The following PARD3 variants were observed in gnomAD, a reference collection of about 807,000 sequenced individuals.
The protein encoded by PARD3 is par-3 family cell polarity regulator.
PARD3 carries 75 observed loss-of-function variants against 155.4 expected under a neutral mutation model. That is an observed-to-expected ratio of 0.48 (90% CI 0.40 to 0.58). PARD3 has a LOEUF of 0.58. Ranked by LOEUF, PARD3 falls within the 20% of genes least tolerant of loss-of-function variation. PARD3 has a pLI of 0.00. For missense variants in PARD3, 1,642 were observed against 1,721.7 expected, an observed-to-expected ratio of 0.95 and a Z score of 0.82; for synonymous variants, 576 against 610.5, an observed-to-expected ratio of 0.94 and a Z score of 0.83.
intron 1 of PARD3, among the ~76,000 whole-genome samples, chr10:34,790,046 G>T (rs1841454169): frequency 6.6e-6 from 1 of 152,190 alleles, no homozygotes; most frequent in Non-Finnish European, 1.5e-5. Flanking sequence ...TCATGGGAAA[G>T]CTTTGAGTTG....
chr10:34,330,441 C>T (rs1835490701), intron 19 of PARD3, among the ~76,000 whole-genome samples: 1 of 151,704 alleles, frequency 6.6e-6, no homozygotes, highest in African/African-American at 2.4e-5. Context: ...AATAAACACA[C>T]ATAAATATAG....
chr10:34,213,924 C>G (rs1242269035), intron 22 of PARD3, among the ~76,000 whole-genome samples: 3 of 152,020 alleles, frequency 2.0e-5, no homozygotes, highest in Admixed American at 1.3e-4. Context: ...GGGTCTTGCT[C>G]TGTTGCCCAG....
chr10:34,245,785 G>A (rs1301199241), intron 22 of PARD3, among the ~76,000 whole-genome samples: 1 of 152,186 alleles, frequency 6.6e-6, no homozygotes, highest in East Asian at 1.9e-4. Context: ...GCCACGGTCT[G>A]GATAATAAAG....
chr10:34,813,686 T>C (rs939930357), intron 1 of PARD3, among the ~76,000 whole-genome samples: 3 of 152,242 alleles, frequency 2.0e-5, no homozygotes, highest in Non-Finnish European at 4.4e-5. Context: ...TACTTCTTAA[T>C]TTCTGAGAGA....
intron 2 of PARD3, among the ~76,000 whole-genome samples, chr10:34,652,265 C>G (rs1311272939): frequency 1.3e-5 from 2 of 152,192 alleles, no homozygotes; most frequent in Non-Finnish European, 2.9e-5. Context: ...GACAGGTTAA[C>G]TACTTTGCTG....
chr10:34,736,651 TTA>T (rs1277233565), intron 1 of PARD3, among the ~76,000 whole-genome samples: 18 of 136,450 alleles, frequency 1.3e-4, no homozygotes, highest in Admixed American at 4.4e-4. Context: ...TATTAATTAA[TTA>T]ATTTATTTAT....
In PARD3 at chr10:34,110,591, T is replaced by A. The variant is rs1472071502; in HGVS notation, c.*578A>T. The A allele has an allele frequency of 6.6e-6, 1 of 152,284 alleles. No individual in the cohort carries two copies. Among genetic ancestry groups the A allele is most frequent in the Non-Finnish European group, 1.5e-5 (1 of 68,118 alleles). The allele number at this position is 152,284 out of a possible 1,614,324, so 9.4% of individuals were successfully genotyped here. On this transcript the variant is annotated 3_prime_UTR_variant, in exon 25 of 25. Transcript: ENST00000374788. ...ATGGTGACCAAACAATGTTGGACTA[T>A]GGCTTAGCTTCTGTAATAGGATGAC...
At chr10:34,145,540 C>T (rs902920572) in intron 22 of PARD3, among the ~76,000 whole-genome samples, 2 of 151,872 alleles carry the variant, frequency 1.3e-5, no homozygotes, top group African/African-American at 4.8e-5. Flanking sequence ...TTCTCAACCT[C>T]ATCTATCAAG....
intron 22 of PARD3, among the ~76,000 whole-genome samples, chr10:34,189,872 A>G (rs1950633202): frequency 6.6e-6 from 1 of 152,242 alleles, no homozygotes; most frequent in South Asian, 2.1e-4. Flanking sequence ...GTTGCCAATG[A>G]TAAAATTTGA....
rs1390459983 is a variant in PARD3, at chr10:34,673,326, T to G, written c.222+22992A>C. Among the ~76,000 whole-genome samples, 5 of 152,230 alleles carry G rather than the reference T, an allele frequency of 3.3e-5. No individual in the cohort carries two copies. In the South Asian group the frequency reaches 6.2e-4, roughly 19 times the overall value. On this transcript the variant is annotated intron_variant, in intron 2 of 24. Coordinates refer to ENST00000374788, the MANE Select transcript of PARD3 (RefSeq NM_001184785.2). ...ACTTAAGGTGTTTTTTGTTTTTCAT[T>G]TTAAACTAATATCTTGAGTACTGTG...
chr10:34,740,818 C>T (rs1031848213), intron 1 of PARD3, among the ~76,000 whole-genome samples: 6 of 152,086 alleles, frequency 3.9e-5, no homozygotes, highest in Non-Finnish European at 8.8e-5. Flanking sequence ...ATAAAGCCTA[C>T]TAATTATACC....
At chr10:34,499,994 GA>G (rs1409457941) in intron 3 of PARD3, among the ~76,000 whole-genome samples, 1 of 152,080 alleles carries the variant, frequency 6.6e-6, no homozygotes, top group Non-Finnish European at 1.5e-5. Flanking sequence ...ACATCCACAA[GA>G]AAAAAAGTCT....
intron 2 of PARD3, among the ~76,000 whole-genome samples, chr10:34,645,058 G>A (rs1027322627): frequency 6.6e-6 from 1 of 152,128 alleles, no homozygotes; most frequent in Non-Finnish European, 1.5e-5. Flanking sequence ...TCACTATGTT[G>A]CCCAGGCTGG....
chr10:34,384,268 A>C lies in PARD3; in HGVS notation c.891-14T>G, dbSNP rs1364167914. On this transcript the variant is annotated splice_polypyrimidine_tract_variant and intron_variant, in intron 7 of 24. Coordinates refer to ENST00000374788, the MANE Select transcript of PARD3 (RefSeq NM_001184785.2). Reference sequence around the variant, plus strand: ...AACCCCAGGGTTCTGGAACATTAAGAATGCAAATGATTACACATGTAATAT... The same window carrying C: ...AACCCCAGGGTTCTGGAACATTAAGCATGCAAATGATTACACATGTAATAT... The C allele has an allele frequency of 1.2e-6, 2 of 1,610,318 alleles. No homozygotes were observed. Among genetic ancestry groups the C allele is most frequent in the Admixed American group, 3.3e-5 (2 of 59,896 alleles).
chr10:34,140,771 CAT>C (rs1948146883), intron 22 of PARD3, among the ~76,000 whole-genome samples: 1 of 152,172 alleles, frequency 6.6e-6, no homozygotes, highest in African/African-American at 2.4e-5. Context: ...GTAAATCCCC[CAT>C]ATGTTCACCA....
chr10:34,807,537 T>C (rs11009948), intron 1 of PARD3, among the ~76,000 whole-genome samples: 53,465 of 151,794 alleles, frequency 0.35, 10,505 homozygotes, highest in African/African-American at 0.55. Flanking sequence ...CTCCCAGTCC[T>C]AGCGGAACAC....
intron 2 of PARD3, among the ~76,000 whole-genome samples, chr10:34,607,817 T>C (rs2490804): frequency 0.35 from 53,684 of 152,056 alleles, 9,783 homozygotes; most frequent in South Asian, 0.43. Context: ...CAAAGCTTTG[T>C]GAGAAACATT....
intron 3 of PARD3, among the ~76,000 whole-genome samples, chr10:34,507,133 TTATTTTTAAA>T (rs1280621972): frequency 1.4e-4 from 22 of 152,200 alleles, no homozygotes; most frequent in Non-Finnish European, 1.5e-5. Flanking sequence ...ATATACACCA[TTATTTTTAAA>T]TGCCAATACA....
chr10:34,256,253 C>G (rs1954648155), intron 22 of PARD3, among the ~76,000 whole-genome samples: 1 of 152,228 alleles, frequency 6.6e-6, no homozygotes, highest in African/African-American at 2.4e-5. Flanking sequence ...TTGTGCACAT[C>G]AGGGAATCCT....
Sources: allele counts gnomAD v4.1 joint callset (sites outside exome capture counted in the v4.1 genomes callset), GRCh38; gene constraint gnomAD v4.1.1; transcripts MANE v1.5; gene names NCBI Gene and HGNC (gene_info 2026-07-23, HGNC 2026-07-21).